COL13A1: variants seen among roughly 807,000 people sequenced by gnomAD.
The protein encoded by COL13A1 is collagen alpha-1(XIII) chain.
Under a neutral mutation model 130.9 loss-of-function variants are expected in COL13A1, and 89 were observed. That is an observed-to-expected ratio of 0.68 (90% CI 0.57 to 0.81). COL13A1 has a LOEUF of 0.81. Among genes scored for constraint, COL13A1 ranks in the 30% least tolerant of loss-of-function variants. COL13A1 has a pLI of 0.00. For synonymous variants in COL13A1, 402 were observed against 341.6 expected (o/e 1.18, Z -1.95); for missense variants, 879 against 934.6 (o/e 0.94, Z 0.78).
chr10:69,862,518 A>G (rs898553904), intron 2 of COL13A1, among the ~76,000 whole-genome samples: 5 of 152,306 alleles, frequency 3.3e-5, no homozygotes, highest in Middle Eastern at 3.4e-3. Flanking sequence ...AGGCTGCCTT[A>G]AAGCTCACCG....
intron 32 of COL13A1, among the ~76,000 whole-genome samples, chr10:69,935,989 C>G (rs1450588134): frequency 1.4e-5 from 2 of 140,152 alleles, no homozygotes; most frequent in African/African-American, 2.7e-5. Context: ...CCAACCTGGG[C>G]AACCAGAGTG....
chr10:69,802,452 C>T lies in COL13A1; in HGVS notation c.29C>T (p.Ala10Val), dbSNP rs376791843. Residue 10 changes from alanine to valine, a missense_variant, in exon 1 of 41, where the codon GCA becomes GTA. By Grantham distance (64) the Ala-to-Val change is moderately conservative. Coordinates refer to ENST00000645393, the MANE Select transcript of COL13A1 (RefSeq NM_001368882.1). ...GTAGCGGAGCGCACCCACAAAGCGG[C>T]AGCCACCGGTGCCCGCGGCCCTGGG... MVAERTHKA[A>V]ATGARGPGEL... The T allele has an allele frequency of 9.3e-6, 14 of 1,503,786 alleles. No homozygotes were observed. The highest frequency in any genetic ancestry group is 7.4e-5 in the African/African-American group (5 of 67,934). The allele number at this position is 1,503,786 out of a possible 1,614,324, so 93.2% of individuals were successfully genotyped here. A position where few individuals can be genotyped will look rare whatever the true frequency, so the allele number is the denominator to read the frequency against.
intron 14 of COL13A1, among the ~76,000 whole-genome samples, chr10:69,901,111 G>A (rs1434770923): frequency 6.6e-6 from 1 of 152,226 alleles, no homozygotes; most frequent in Non-Finnish European, 1.5e-5. Context: ...TTTAAGGCCT[G>A]AGGCTTAGTG....
intron 1 of COL13A1, among the ~76,000 whole-genome samples, chr10:69,812,804 A>T (rs1175947839): frequency 1.3e-5 from 2 of 152,196 alleles, no homozygotes; most frequent in Admixed American, 1.3e-4. Context: ...CCTGGCTCCT[A>T]AGAAGTGCAT....
At chr10:69,940,472 G>T (rs953599971) in intron 34 of COL13A1, among the ~76,000 whole-genome samples, 1 of 152,138 alleles carries the variant, frequency 6.6e-6, no homozygotes, top group Admixed American at 6.5e-5. Context: ...TCACAACTGG[G>T]TGCTGTCACC....
chr10:69,936,094 AGGGAAGGG>A (rs1188160767), intron 32 of COL13A1, among the ~76,000 whole-genome samples: 5 of 103,650 alleles, frequency 4.8e-5, no homozygotes, highest in Non-Finnish European at 9.4e-5. Flanking sequence ...GGAGGGAAGG[AGGGAAGGG>A]AGGAAGGAAG....
intron 20 of COL13A1, 72 bp from the exon 21 acceptor site, chr10:69,919,593 G>A: frequency 2.5e-6 from 1 of 399,034 alleles, no homozygotes; most frequent in Non-Finnish European, 4.4e-6. Context: ...GCTGGTCAAT[G>A]ATCACTGCCC....
At chr10:69,878,745 T>C (rs1350919601) in intron 6 of COL13A1, among the ~76,000 whole-genome samples, 1 of 152,206 alleles carries the variant, frequency 6.6e-6, no homozygotes, top group African/African-American at 2.4e-5. Context: ...CCTCCCAAAG[T>C]GCTGGGATTA....
chr10:69,811,216 C>G (rs1264507402), intron 1 of COL13A1, among the ~76,000 whole-genome samples: 2 of 152,200 alleles, frequency 1.3e-5, no homozygotes, highest in African/African-American at 2.4e-5. Flanking sequence ...CCCACCACCC[C>G]CTCCCTTCAG....
At position 69,918,269 on chromosome 10, in the gene COL13A1, T is replaced by C. The variant is rs747281127; in HGVS notation, c.967-16T>C. 1.9e-5 allele frequency: 31 copies of C among 1,611,720 alleles called. No homozygotes were observed. The highest frequency in any genetic ancestry group is 2.2e-5 in the Non-Finnish European group (26 of 1,179,048). On this transcript the variant is annotated splice_polypyrimidine_tract_variant and intron_variant, in intron 18 of 40. Coordinates refer to ENST00000645393, the MANE Select transcript of COL13A1 (RefSeq NM_001368882.1). ...TGCAGAATGTCTTCAGACCTTTTTTTTTCTCTCTCTGCCAGGGGGCGCCCG... is the reference window on the plus strand; with the variant it reads ...TGCAGAATGTCTTCAGACCTTTTTTCTTCTCTCTCTGCCAGGGGGCGCCCG...
intron 26 of COL13A1, 49 bp downstream of exon 26, chr10:69,925,921 C>T: frequency 6.8e-7 from 1 of 1,469,062 alleles, no homozygotes; most frequent in Non-Finnish European, 9.3e-7. Context: ...ATCTCAGGCT[C>T]TGCACCATGC....
intron 37 of COL13A1, among the ~76,000 whole-genome samples, 162 bp downstream of exon 37, chr10:69,945,886 C>G (rs1451265881): frequency 1.3e-5 from 2 of 152,104 alleles, no homozygotes; most frequent in African/African-American, 4.8e-5. Flanking sequence ...TCCTGGCCAA[C>G]ACGGTGAAAC....
chr10:69,819,012 C>T (rs1845349753), intron 1 of COL13A1, among the ~76,000 whole-genome samples: 1 of 152,252 alleles, frequency 6.6e-6, no homozygotes, highest in Non-Finnish European at 1.5e-5. Flanking sequence ...CTGCACACAT[C>T]TGAGTATGCT....
rs1448974949 is a variant in COL13A1 at position 69,930,386 on chromosome 10, G to T, written c.1531-14G>T. ...ATTAATGTGTCTAAGAAGCGTTTTT[G>T]GTATTTTCTAAAGGGACCTCGCGGT... On this transcript the variant is annotated splice_polypyrimidine_tract_variant and intron_variant, in intron 29 of 40. Coordinates refer to ENST00000645393, the MANE Select transcript of COL13A1 (RefSeq NM_001368882.1). 6.3e-7 allele frequency: 1 copy of T among 1,592,402 alleles called. No individual in the cohort carries two copies. The highest frequency in any genetic ancestry group is 1.9e-5 in the Admixed American group (1 of 53,436).
intron 34 of COL13A1, among the ~76,000 whole-genome samples, chr10:69,939,245 G>A (rs182741957): frequency 1.6e-3 from 245 of 152,320 alleles, no homozygotes; most frequent in African/African-American, 5.4e-3. Flanking sequence ...AAGGGGAACC[G>A]TCCCTTCTCA....
At chr10:69,889,323 GC>G in intron 9 of COL13A1, 90 bp from the exon 10 acceptor site, 1 of 891,976 alleles carries the variant, frequency 1.1e-6, no homozygotes, top group Non-Finnish European at 1.5e-6. Context: ...GCAGGGAGGA[GC>G]ACAGGGGGCA....
intron 2 of COL13A1, among the ~76,000 whole-genome samples, chr10:69,851,049 A>C (rs1854643479): frequency 6.6e-6 from 1 of 152,248 alleles, no homozygotes; most frequent in African/African-American, 2.4e-5. Flanking sequence ...AGGGGCCAGC[A>C]CATGGGCCAG....
At chr10:69,812,825 G>T (rs1843402171) in intron 1 of COL13A1, among the ~76,000 whole-genome samples, 1 of 152,232 alleles carries the variant, frequency 6.6e-6, no homozygotes, top group African/African-American at 2.4e-5. Context: ...TATTGGGTTA[G>T]CTTTCAGCCT....
intron 2 of COL13A1, among the ~76,000 whole-genome samples, chr10:69,839,470 C>A (rs965029532): frequency 6.6e-6 from 1 of 152,110 alleles, no homozygotes; most frequent in Non-Finnish European, 1.5e-5. Flanking sequence ...ACCATGTGAT[C>A]CAGGGGATAT....
Sources: gnomAD v4.1 joint callset for allele counts (sites outside exome capture counted in the v4.1 genomes callset) on GRCh38, gnomAD v4.1.1 for gene constraint, MANE v1.5 for transcripts, NCBI Gene and HGNC (gene_info 2026-07-23, HGNC 2026-07-21) for gene names.